PPRC1: variants seen among roughly 807,000 people sequenced by gnomAD.
The protein encoded by PPRC1 is PPARG related coactivator 1.
In PPRC1, 23 loss-of-function variants were observed where a neutral mutation model predicts 132.5. That is an observed-to-expected ratio of 0.17 (90% CI 0.12 to 0.25). The LOEUF (loss-of-function observed/expected upper bound fraction) is 0.25, where lower values mean the gene tolerates loss of function less well. Among genes scored for constraint, PPRC1 ranks in the 10% least tolerant of loss-of-function variants. The probability of loss-of-function intolerance (pLI) is 1.00; values close to 1 mark genes in which losing one functional copy is unlikely to be tolerated. For missense variants in PPRC1, 2,006 were observed against 2,089.1 expected (o/e 0.96, Z 0.78); for synonymous variants, 872 against 833.5 (o/e 1.05, Z -0.80).
In PPRC1 at chr10:102,148,594, T is replaced by C. The variant is rs1020764357; in HGVS notation, c.4551-34T>C. 5 of 1,613,734 alleles carry C rather than the reference T, an allele frequency of 3.1e-6. No homozygotes were observed. The highest frequency in any genetic ancestry group is 2.2e-5 in the East Asian group (1 of 44,864). On this transcript the variant is annotated intron_variant, in intron 10 of 13. Coordinates refer to ENST00000278070, the MANE Select transcript of PPRC1 (RefSeq NM_015062.5). The surrounding 1 kb of genome is among the most constrained non-coding windows in gnomAD (Gnocchi z 4.2). ...AAGAGTTGAGTCTTGAATTGTCTTA[T>C]GTTTGGGGGGCTGATGACACCCTCT...
intron 8 of PPRC1, among the ~76,000 whole-genome samples, chr10:102,145,481 G>T (rs1212189742): frequency 1.3e-5 from 2 of 151,866 alleles, no homozygotes; most frequent in Non-Finnish European, 2.9e-5. Flanking sequence ...TGAGGCAGGA[G>T]AATTGCTAAA....
At position 102,146,749 on chromosome 10, in the gene PPRC1, T is replaced by TC. The variant is rs1564954861; in HGVS notation, c.3758dup (p.Pro1254SerfsTer2). ...TGTCTCACTGCTGGCCAAAGCCAAA[T>TC]CTCCTAAGTCCACCGCCCAGGAGGG... On this transcript the variant is annotated frameshift_variant, in exon 9 of 14. Coordinates refer to ENST00000278070, the MANE Select transcript of PPRC1 (RefSeq NM_015062.5). LOFTEE classifies it high-confidence loss of function. The TC allele has an allele frequency of 6.2e-7, 1 of 1,613,674 alleles. No homozygotes were observed. Among genetic ancestry groups the TC allele is most frequent in the Non-Finnish European group, 8.5e-7 (1 of 1,179,938 alleles).
chr10:102,140,006 T>G lies in PPRC1; in HGVS notation c.1498T>G (p.Leu500Val), dbSNP rs753811926. 1.9e-6 allele frequency: 3 copies of G among 1,614,108 alleles called. No individual in the cohort carries two copies. Among genetic ancestry groups the G allele is most frequent in the South Asian group, 2.2e-5 (2 of 91,090 alleles). ...AGAAGTGACCTCTCAGGTAGACAAC[T>G]TGCAGAAACAGCCTCAGGAAGAACT... ...GTEVTSQVDN[L>V]QKQPQEELQK... The change falls in exon 5 of 14, where the codon TTG (leucine) becomes GTG (valine). Residue 500 changes from leucine (L) to valine (V), a missense_variant. Physicochemically the swap from Leu to Val is conservative, Grantham distance 32. Around this residue, in one of 2 missense-constraint regions of PPRC1, gnomAD observed 1,914 missense variants for 1,917.2 expected, o/e 1.00. Coordinates refer to ENST00000278070, the MANE Select transcript of PPRC1 (RefSeq NM_015062.5).
upstream of PPRC1, among the ~76,000 whole-genome samples, chr10:102,130,593 G>C (rs2068525448): frequency 1.3e-5 from 2 of 151,962 alleles, no homozygotes; most frequent in Non-Finnish European, 2.9e-5. Flanking sequence ...AAATTAGCTG[G>C]GCGTGGTGGC....
At position 102,150,096 on chromosome 10, in the gene PPRC1, C is replaced by T; in HGVS notation, c.*67C>T. The T allele has an allele frequency of 8.2e-7, 1 of 1,216,644 alleles. No individual in the cohort carries two copies. The highest frequency in any genetic ancestry group is 1.2e-6 in the Non-Finnish European group (1 of 820,240). The allele number at this position is 1,216,644 out of a possible 1,614,324, so 75.4% of individuals were successfully genotyped here. A position where few individuals can be genotyped will look rare whatever the true frequency, so the allele number is the denominator to read the frequency against. ...GCCCAACCTCCTCCACCCCCTTCCC[C>T]TACTCTAGGGGAGAGAGCTGCTAGT... is the stretch of plus-strand genomic sequence containing the variant. On this transcript the variant is annotated 3_prime_UTR_variant, in exon 14 of 14. Transcript: ENST00000278070.
rs1207956543 is a variant in PPRC1, at chr10:102,148,456, A to C, written c.4485A>C (p.Ser1495=). 3 of 1,611,484 alleles carry C rather than the reference A, an allele frequency of 1.9e-6. No homozygotes were observed. The highest frequency in any genetic ancestry group is 1.1e-5 in the South Asian group (1 of 91,010). Residue 1495 remains serine (S), a synonymous_variant, in exon 10 of 14, where the codon TCA becomes TCC. Coordinates refer to ENST00000278070, the MANE Select transcript of PPRC1 (RefSeq NM_015062.5). The surrounding 1 kb of genome is among the most constrained non-coding windows in gnomAD (Gnocchi z 4.2). ...SSSSSSSSSS[S]SSSSRSRSRS... Reference sequence around the variant, plus strand: ...CTTCCTCTTCGTCTTCCTCATCCTCATCATCCAGTTCTCGAAGCCGCTCAC... The same window carrying C: ...CTTCCTCTTCGTCTTCCTCATCCTCCTCATCCAGTTCTCGAAGCCGCTCAC...
At chr10:102,120,451 TCGCGCTCG>T in the PPRC1 span, 1 of 947,758 alleles carries the variant, frequency 1.1e-6, no homozygotes, top group Non-Finnish European at 1.3e-6. Flanking sequence ...CTCTCCGCCC[TCGCGCTCG>T]CGCTCCCTCG....
At chr10:102,128,843 T>G (rs1283650772), upstream of PPRC1, among the ~76,000 whole-genome samples, 1 of 147,886 alleles carries the variant, frequency 6.8e-6, no homozygotes, top group Non-Finnish European at 1.5e-5. Context: ...CTCGATCTCC[T>G]GACCTCGTGA....
chr10:102,145,858 C>G (rs1255911510), intron 8 of PPRC1, among the ~76,000 whole-genome samples: 1 of 151,892 alleles, frequency 6.6e-6, no homozygotes, highest in Non-Finnish European at 1.5e-5. Flanking sequence ...GGGCAAGACT[C>G]TGTCTTTAAA....
In PPRC1 at chr10:102,139,973, G is replaced by A. The variant is rs767502800; in HGVS notation, c.1465G>A (p.Val489Ile). 1.2e-5 allele frequency: 20 copies of A among 1,614,134 alleles called. No homozygotes were observed. The Admixed American group carries it at 1.8e-4, about 15-fold the overall frequency. Reference protein sequence around the residue: ...LRSSSRGQSTVGTEVTSQVDN... With the variant: ...LRSSSRGQSTIGTEVTSQVDN... ...GTCATCTTCTCGCGGGCAGTCTACT[G>A]TAGGTACAGAAGTGACCTCTCAGGT... The change falls in exon 5 of 14, where the codon GTA becomes ATA. Residue 489 changes from valine (V) to isoleucine (I), a missense_variant. Physicochemically the swap from Val to Ile is conservative, Grantham distance 29. This residue lies in a region of PPRC1 where 1,914 missense variants were observed against 1,917.2 expected (regional missense o/e 1.00). Coordinates refer to ENST00000278070, the MANE Select transcript of PPRC1 (RefSeq NM_015062.5).
chr10:102,146,146 A>C (rs1053365587), intron 8 of PPRC1, among the ~76,000 whole-genome samples: 2 of 152,208 alleles, frequency 1.3e-5, no homozygotes, highest in African/African-American at 4.8e-5. Context: ...AGCGAGAGAT[A>C]AAACTGGAGT....
intron 1 of PPRC1, among the ~76,000 whole-genome samples, chr10:102,134,177 G>T (rs2068634995): frequency 6.6e-6 from 1 of 152,074 alleles, no homozygotes; most frequent in African/African-American, 2.4e-5. Flanking sequence ...GTTAAGAAAG[G>T]GAAAGGGAAT....
At position 102,147,259 on chromosome 10, in the gene PPRC1, C is replaced by G. The variant is rs962134743; in HGVS notation, c.4267C>G (p.Arg1423Gly). Reference sequence around the variant, plus strand: ...CTCAAGCCAGGGCTGGCAGGGCCGCCGAGGCCGCAACAGCCGTTCTGTCAG... The same window carrying G: ...CTCAAGCCAGGGCTGGCAGGGCCGCGGAGGCCGCAACAGCCGTTCTGTCAG... ...SPSSQGWQGR[R>G]GRNSRSVSSG... The change falls in exon 9 of 14, where the codon CGA becomes GGA. Residue 1423 changes from arginine (R) to glycine (G), a missense_variant. Coordinates refer to ENST00000278070, the MANE Select transcript of PPRC1 (RefSeq NM_015062.5). The G allele has an allele frequency of 1.2e-6, 2 of 1,613,034 alleles. No individual in the cohort carries two copies. Among genetic ancestry groups the G allele is most frequent in the East Asian group, 2.2e-5 (1 of 44,886 alleles).
upstream of PPRC1, among the ~76,000 whole-genome samples, chr10:102,130,735 C>T (rs924048831): frequency 6.6e-5 from 10 of 151,612 alleles, no homozygotes; most frequent in Admixed American, 5.3e-4. Flanking sequence ...AACTCCATCT[C>T]ACACACAAAA....
At position 102,147,200 on chromosome 10, in the gene PPRC1, G is replaced by T. The variant is rs376130705; in HGVS notation, c.4208G>T (p.Arg1403Leu). The T allele has an allele frequency of 1.2e-6, 2 of 1,613,634 alleles. No individual in the cohort carries two copies. Among genetic ancestry groups the T allele is most frequent in the East Asian group, 2.2e-5 (1 of 44,896 alleles). ...CCCTCAGCCAAGCAGCGGTCAATGC[G>T]CTGTTACCGAAAAGCCTGCAGGTCA... ...PEPSAKQRSM[R>L]CYRKACRSAS... Residue 1403 changes from arginine to leucine, a missense_variant, in exon 9 of 14, where the codon CGC becomes CTC. Arg to Leu is a moderately radical substitution (Grantham distance 102, BLOSUM62 -2). Around this residue, in one of 2 missense-constraint regions of PPRC1, gnomAD observed 1,914 missense variants for 1,917.2 expected, o/e 1.00. Transcript: ENST00000278070.
At chr10:102,143,467 C>T (rs532108341) in intron 6 of PPRC1, among the ~76,000 whole-genome samples, 2 of 152,012 alleles carry the variant, frequency 1.3e-5, no homozygotes, top group South Asian at 2.1e-4. Flanking sequence ...GGCGAGGTGG[C>T]GGGCACCTGT....
At chr10:102,135,100 AAAT>A (rs1284747095) in intron 1 of PPRC1, among the ~76,000 whole-genome samples, 6 of 152,244 alleles carry the variant, frequency 3.9e-5, no homozygotes, top group Admixed American at 2.0e-4. Flanking sequence ...GACCGATGAT[AAAT>A]AATAATGAAT....
chr10:102,136,595 ATTG>A (rs1441366982), intron 1 of PPRC1, among the ~76,000 whole-genome samples: 1 of 152,140 alleles, frequency 6.6e-6, no homozygotes, highest in Non-Finnish European at 1.5e-5. Context: ...ATTATAGTAT[ATTG>A]TTTTAATCTA....
intron 8 of PPRC1, among the ~76,000 whole-genome samples, chr10:102,145,689 C>T (rs1181388150): frequency 6.6e-6 from 1 of 151,600 alleles, no homozygotes; most frequent in Non-Finnish European, 1.5e-5. Context: ...ATGGTGAAAC[C>T]CCATCTCTAC....
Sources: gnomAD v4.1 joint callset for allele counts (sites outside exome capture counted in the v4.1 genomes callset) on GRCh38, gnomAD v4.1.1 for gene constraint, gnomAD v4.1.1 regional missense constraint, Gnocchi (gnomAD v3.1) non-coding constraint, MANE v1.5 for transcripts, NCBI Gene and HGNC (gene_info 2026-07-23, HGNC 2026-07-21) for gene names.